Variants in PRH1 observed in about 807,000 individuals in gnomAD.
The protein encoded by PRH1 is salivary acidic proline-rich phosphoprotein 1/2.
PRH1 carries 7 observed loss-of-function variants against 7.9 expected under a neutral mutation model. The ratio of observed to expected loss-of-function variants is 0.89; its 90% confidence interval spans 0.50 to 1.67. The LOEUF (loss-of-function observed/expected upper bound fraction) is 1.67. Ranked by LOEUF, PRH1 falls within the 40% of genes most tolerant of loss-of-function variation. The pLI is 0.00. For missense variants in PRH1, 109 were observed against 223.6 expected, an observed-to-expected ratio of 0.49 and a Z score of 3.27; for synonymous variants, 45 against 80.8, an observed-to-expected ratio of 0.56 and a Z score of 2.38.
intron 1 of PRH1, chr12:10,986,289 G>T (rs868364909): frequency 6.2e-7 from 1 of 1,613,908 alleles, no homozygotes; most frequent in Non-Finnish European, 8.5e-7. Context: ...AGATATCAGG[G>T]ACAGAGTAAA....
chr12:10,964,148 A>T (rs1938387640), intron 2 of PRH1, among the ~76,000 whole-genome samples: 1 of 152,230 alleles, frequency 6.6e-6, no homozygotes, highest in Admixed American at 6.5e-5. Flanking sequence ...TGGCTTCATG[A>T]TTCTGAAAAA....
chr12:10,967,757 A>G lies in PRH1; in HGVS notation c.-59+5898T>C, dbSNP rs1938579665. Among the ~76,000 whole-genome samples the G allele has an allele frequency of 2.0e-5, 3 of 152,210 alleles. No individual in the cohort carries two copies. In the South Asian group the frequency reaches 6.2e-4, roughly 32 times the overall value. On this transcript the variant is annotated intron_variant, in intron 2 of 3. Transcript: ENST00000539853. The stretch of plus-strand genomic sequence containing the variant: ...GCCATTCCAATAAATAAAATATAGT[A>G]CCTCAATTACAAATACACCATTGTA...
In PRH1 at chr12:11,027,783, TG is replaced by T. The variant is rs371800333; in HGVS notation, c.-126+19236del. On this transcript the variant is annotated intron_variant, in intron 1 of 3. Transcript: ENST00000539853. Reference sequence around the variant, plus strand: ...ACTCTGTGCATGTCTCTGACAAGCCTGTTGGAGAGGGGAGAGCAAATCCCTA... The same window carrying T: ...ACTCTGTGCATGTCTCTGACAAGCCTTTGGAGAGGGGAGAGCAAATCCCTA... Among the ~76,000 whole-genome samples, 654 of 152,324 alleles carry T rather than the reference TG, an allele frequency of 4.3e-3. 5 individuals are homozygous for T. Among genetic ancestry groups the T allele is most frequent in the African/African-American group, 0.015 (632 of 41,574 alleles).
At chr12:10,913,719 A>G (rs901469123) in intron 2 of PRH1, among the ~76,000 whole-genome samples, 13 of 152,246 alleles carry the variant, frequency 8.5e-5, no homozygotes, top group African/African-American at 3.1e-4. Flanking sequence ...ATTTTTGGTC[A>G]ATAAAATATT....
Position 11,077,390 on chromosome 12 carries a change from T to C in PRH1, n.124-30202A>G, listed in dbSNP as rs553393399. On this transcript the variant is annotated intron_variant and non_coding_transcript_variant, in intron 1 of 4. Coordinates refer to the PRH1 transcript ENST00000541977. The stretch of plus-strand genomic sequence containing the variant: ...ACTGAAAGAAACGTCTGTTTTAGTT[T>C]CCTGCTTCCCATAATCAGGAAGAAT... 9.8e-4 allele frequency: 499 copies of C among 508,492 alleles called. 111 individuals are homozygous for C. Among genetic ancestry groups the C allele is most frequent in the Admixed American group, 1.6e-3 (42 of 25,934 alleles). The allele number at this position is 508,492 out of a possible 1,614,324, so 31.5% of individuals were successfully genotyped here.
chr12:10,909,628 A>G (rs554559478), intron 2 of PRH1: 1 of 266,290 alleles, frequency 3.8e-6, no homozygotes, highest in Non-Finnish European at 7.0e-6. Context: ...ATAAAGATAT[A>G]TTCTCTTTCA....
Position 10,882,502 on chromosome 12 carries a change from GCC to G in PRH1, c.295_296del (p.Gly99ProfsTer91). The stretch of plus-strand genomic sequence containing the variant: ...GAGGTGGTGGACCTTGTTGCTGCTG[GCC>G]TCCTTGTTGGGGTGGTCCTTGTGGC... The part of the protein sequence containing the change: ...GKPQGPPQQG[G>X]QQQQGPPPPQ... On this transcript the variant is annotated frameshift_variant, in exon 3 of 4. Transcript: ENST00000543626. LOFTEE classifies it low-confidence loss of function (END_TRUNC). 2.4e-6 allele frequency: 3 copies of G among 1,248,616 alleles called. No homozygotes were observed. Among genetic ancestry groups the G allele is most frequent in the South Asian group, 1.5e-5 (1 of 67,312 alleles). The allele number at this position is 1,248,616 out of a possible 1,614,324, so 77.3% of individuals were successfully genotyped here.
chr12:11,130,034 C>G (rs1429051145), intron 1 of PRH1, among the ~76,000 whole-genome samples: 1 of 152,072 alleles, frequency 6.6e-6, no homozygotes, highest in Non-Finnish European at 1.5e-5. Flanking sequence ...CCCTGCAGTC[C>G]CAGCTGCCAG....
In PRH1 at chr12:11,031,232, C is replaced by T. The variant is rs372174270; in HGVS notation, c.-126+15788G>A. 195 of 1,613,974 alleles carry T rather than the reference C, an allele frequency of 1.2e-4. No individual in the cohort carries two copies. Among genetic ancestry groups the T allele is most frequent in the East Asian group, 2.2e-4 (10 of 44,890 alleles). On this transcript the variant is annotated intron_variant, in intron 1 of 3. Transcript: ENST00000539853. ...AAAAGAGATCTTTTGTCTCTTGACC[C>T]GCTCAATGGAATTTACCAATGCTAT...
At chr12:10,888,000 G>A (rs1949518959), upstream of PRH1, among the ~76,000 whole-genome samples, 1 of 152,082 alleles carries the variant, frequency 6.6e-6, no homozygotes, top group Admixed American at 6.5e-5. Flanking sequence ...ATGTATAATA[G>A]GTCTTACTCA....
chr12:11,072,360 A>G (rs1299151127), intron 1 of PRH1, among the ~76,000 whole-genome samples: 1 of 152,078 alleles, frequency 6.6e-6, no homozygotes, highest in Non-Finnish European at 1.5e-5. Flanking sequence ...GGATCTAATC[A>G]GTTTGCTGTT....
intron 1 of PRH1, among the ~76,000 whole-genome samples, chr12:11,138,406 G>A (rs1946616116): frequency 6.6e-6 from 1 of 151,970 alleles, no homozygotes; most frequent in Non-Finnish European, 1.5e-5. Flanking sequence ...CTCTAATGCA[G>A]AACCAAAAAA....
intron 1 of PRH1, chr12:11,077,450 G>C: frequency 1.3e-6 from 1 of 761,128 alleles, no homozygotes. Context: ...CCAAGAGTTT[G>C]GCAAAGCAGG....
At chr12:10,975,545 T>C (rs1440784213) in intron 1 of PRH1, among the ~76,000 whole-genome samples, 1 of 152,020 alleles carries the variant, frequency 6.6e-6, no homozygotes, top group Non-Finnish European at 1.5e-5. Flanking sequence ...AACAACATGA[T>C]GAAACAATCA....
At chr12:10,884,402 T>C, upstream of PRH1, 1 of 663,300 alleles carries the variant, frequency 1.5e-6, no homozygotes, top group Non-Finnish European at 2.7e-6. Flanking sequence ...TTTGGGACTC[T>C]AGCTCAGCAG....
chr12:10,993,907 G>A (rs190771869), intron 1 of PRH1, among the ~76,000 whole-genome samples: 1 of 152,316 alleles, frequency 6.6e-6, no homozygotes, highest in East Asian at 1.9e-4. Flanking sequence ...GCCAATTAGT[G>A]CAAGACCATT....
intron 1 of PRH1, among the ~76,000 whole-genome samples, chr12:11,003,001 C>T (rs754258022): frequency 4.0e-5 from 6 of 151,812 alleles, no homozygotes; most frequent in African/African-American, 7.3e-5. Flanking sequence ...CAATTTGAAA[C>T]GTGTATCATG....
intron 1 of PRH1, among the ~76,000 whole-genome samples, chr12:11,071,802 G>T (rs1158745550): frequency 6.6e-6 from 1 of 152,086 alleles, no homozygotes; most frequent in Non-Finnish European, 1.5e-5. Flanking sequence ...ATTGAGTCAG[G>T]GTCTGCTGGA....
At chr12:10,934,993 A>T (rs1280144794) in intron 2 of PRH1, among the ~76,000 whole-genome samples, 1 of 152,176 alleles carries the variant, frequency 6.6e-6, no homozygotes, top group East Asian at 1.9e-4. Context: ...CACTAAAATC[A>T]TCTCCACTGA....
Sources: allele counts gnomAD v4.1 joint callset (sites outside exome capture counted in the v4.1 genomes callset), GRCh38; gene constraint gnomAD v4.1.1; transcripts MANE v1.5; gene names NCBI Gene and HGNC (gene_info 2026-07-23, HGNC 2026-07-21).